The following SKP1 variants were observed in gnomAD, a reference collection of about 807,000 sequenced individuals.
SKP1 encodes S-phase kinase associated protein 1.
SKP1 carries 1 observed loss-of-function variant against 21.5 expected under a neutral mutation model. That is an observed-to-expected ratio of 0.05 (90% confidence interval 0.02 to 0.22). SKP1 has a LOEUF of 0.22. Among genes scored for constraint, SKP1 ranks in the 10% least tolerant of loss-of-function variants. The pLI is 1.00. For synonymous variants in SKP1, 59 were observed against 59.3 expected (o/e 0.99, Z 0.03); for missense variants, 70 against 192.0 (o/e 0.36, Z 3.76).
chr5:134,172,799 T>C (rs1651016733), intron 2 of SKP1, among the ~76,000 whole-genome samples: 1 of 151,238 alleles, frequency 6.6e-6, no homozygotes, highest in African/African-American at 2.4e-5. Context: ...GATCGCAAGG[T>C]CAGAAGATCG....
intron 3 of SKP1, among the ~76,000 whole-genome samples, chr5:134,165,811 G>A (rs894110853): frequency 2.0e-5 from 3 of 149,418 alleles, no homozygotes; most frequent in Admixed American, 1.3e-4. Flanking sequence ...GCTTGAACCT[G>A]GAAAGTGGAG....
At chr5:134,159,737 C>CG (rs1761185112) in intron 4 of SKP1, among the ~76,000 whole-genome samples, 1 of 152,026 alleles carries the variant, frequency 6.6e-6, no homozygotes, top group Non-Finnish European at 1.5e-5. Context: ...TCAGTAGAGA[C>CG]GGGGTTTCAC....
rs36106913 is a variant in SKP1 at position 134,166,580 on chromosome 5, C to CAAAAA, written c.171+585_171+589dup. On this transcript the variant is annotated intron_variant, in intron 3 of 5. Transcript: ENST00000353411. Reference sequence around the variant, plus strand: ...TGGCGACAGAGCAAGACTCTGGTCTCAAAAAAAAAAAAAAAAAAAAAAAAA... The same window carrying CAAAAA: ...TGGCGACAGAGCAAGACTCTGGTCTCAAAAAAAAAAAAAAAAAAAAAAAAAAAAAA... Among the ~76,000 whole-genome samples the CAAAAA allele has an allele frequency of 6.9e-4, 36 of 52,518 alleles. 1 individual carries two copies. The highest frequency in any genetic ancestry group is 1.7e-3 in the East Asian group (2 of 1,184). The allele number at this position is 52,518 out of a possible 152,430, so 34.5% of individuals were successfully genotyped here.
chr5:134,167,663 A>G (rs778140388), intron 2 of SKP1, among the ~76,000 whole-genome samples: 4 of 152,060 alleles, frequency 2.6e-5, no homozygotes, highest in Non-Finnish European at 4.4e-5. Context: ...AGCTGGGACT[A>G]TAGGCACCCG....
chr5:134,168,733 G>A (rs1761382512), intron 2 of SKP1, among the ~76,000 whole-genome samples: 1 of 152,146 alleles, frequency 6.6e-6, no homozygotes, highest in African/African-American at 2.4e-5. Context: ...CAAGTAGAAT[G>A]TGAAAAGAGT....
At position 134,158,039 on chromosome 5, in the gene SKP1, A is replaced by G. The variant is rs922482956; in HGVS notation, c.457-271T>C. The G allele has an allele frequency of 1.3e-5, 19 of 1,471,852 alleles. No individual in the cohort carries two copies. The Admixed American group carries it at 3.7e-4, about 28-fold the overall frequency. The allele number at this position is 1,471,852 out of a possible 1,614,324, so 91.2% of individuals were successfully genotyped here. A position where few individuals can be genotyped will look rare whatever the true frequency, so the allele number is the denominator to read the frequency against. On this transcript the variant is annotated intron_variant, in intron 5 of 5. Transcript: ENST00000353411. ...CAAATTCAGTTAATTCATTCACATT[A>G]TTTCAGTCTGTAGTCATGTCAACAA...
At chr5:134,160,189 C>T (rs903001279) in intron 4 of SKP1, among the ~76,000 whole-genome samples, 1 of 151,744 alleles carries the variant, frequency 6.6e-6, no homozygotes, top group Admixed American at 6.6e-5. Flanking sequence ...AACCCCATCT[C>T]TACTAAAAAT....
intron 4 of SKP1, 26 bp from the exon 5 acceptor site, chr5:134,158,621 A>C (rs981090851): frequency 6.2e-7 from 1 of 1,603,220 alleles, no homozygotes; most frequent in East Asian, 2.2e-5. Flanking sequence ...TGTTTTCCTT[A>C]AAGTATACTT....
At position 134,158,036 on chromosome 5, in the gene SKP1, A is replaced by G. The variant is rs556154532; in HGVS notation, c.457-268T>C. On this transcript the variant is annotated intron_variant, in intron 5 of 5. Transcript: ENST00000353411. ...GAGCAAATTCAGTTAATTCATTCAC[A>G]TTATTTCAGTCTGTAGTCATGTCAA... 5 of 1,474,758 alleles carry G rather than the reference A, an allele frequency of 3.4e-6. No homozygotes were observed. In the Admixed American group the frequency reaches 8.1e-5, roughly 24 times the overall value. 91.4% of individuals were successfully genotyped at this position (1,474,758 alleles called of 1,614,324 possible).
intron 2 of SKP1, among the ~76,000 whole-genome samples, 156 bp from the exon 3 acceptor site, chr5:134,167,399 A>G (rs1035636594): frequency 1.3e-5 from 2 of 152,210 alleles, no homozygotes; most frequent in Non-Finnish European, 2.9e-5. Flanking sequence ...GGGAAAAAAA[A>G]TGGATGGCTG....
In SKP1 at chr5:134,155,841, C is replaced by A. The variant is rs1761111764; in HGVS notation, c.*1892G>T. 6.6e-6 allele frequency: 1 copy of A among 152,256 alleles called. No homozygotes were observed. Among genetic ancestry groups the A allele is most frequent in the African/African-American group, 2.4e-5 (1 of 41,452 alleles). 9.4% of individuals were successfully genotyped at this position (152,256 alleles called of 1,614,324 possible). A position where few individuals can be genotyped will look rare whatever the true frequency, so the allele number is the denominator to read the frequency against. ...ACAAGGTCTCGCTCTATTGCCTAGA[C>A]TGGAGTGCAGTGGTGCAATGCCAGC... is the stretch of plus-strand genomic sequence containing the variant. On this transcript the variant is annotated 3_prime_UTR_variant, in exon 6 of 6. Transcript: ENST00000353411.
chr5:134,175,903 A>G (rs1165838736), intron 1 of SKP1, among the ~76,000 whole-genome samples: 1 of 150,482 alleles, frequency 6.6e-6, no homozygotes, highest in East Asian at 1.9e-4. Flanking sequence ...CTCCATGGCC[A>G]GCATAAAGCG....
chr5:134,158,658 A>T lies in SKP1; in HGVS notation c.316-63T>A, dbSNP rs548928839. ...ATGTTTTAAACTAAATCCAAAGTTA[A>T]TGATTGACACTCCGTATCTAATAAA... is the stretch of plus-strand genomic sequence containing the variant. On this transcript the variant is annotated intron_variant, in intron 4 of 5. Transcript: ENST00000353411. 159 of 1,357,624 alleles carry T rather than the reference A, an allele frequency of 1.2e-4. 2 individuals carry two copies. The highest frequency in any genetic ancestry group is 3.0e-5 in the Non-Finnish European group (29 of 954,546). 84.1% of individuals were successfully genotyped at this position (1,357,624 alleles called of 1,614,324 possible).
chr5:134,162,112 G>T (rs1004637764), intron 3 of SKP1, among the ~76,000 whole-genome samples: 3 of 151,876 alleles, frequency 2.0e-5, no homozygotes, highest in Non-Finnish European at 4.4e-5. Flanking sequence ...GCAAAGGGTT[G>T]TTTGTTTGTT....
chr5:134,159,546 A>G (rs1239061771), intron 4 of SKP1, among the ~76,000 whole-genome samples: 1 of 148,322 alleles, frequency 6.7e-6, no homozygotes, highest in Non-Finnish European at 1.5e-5. Flanking sequence ...TCACCCAGCT[A>G]ATTTTTTTTT....
chr5:134,164,049 G>A (rs913715201), intron 3 of SKP1, among the ~76,000 whole-genome samples: 2 of 151,996 alleles, frequency 1.3e-5, no homozygotes, highest in Non-Finnish European at 2.9e-5. Flanking sequence ...GGCCAGGGAT[G>A]GTGACTCAAG....
At chr5:134,165,369 C>T (rs757679432) in intron 3 of SKP1, among the ~76,000 whole-genome samples, 1 of 152,080 alleles carries the variant, frequency 6.6e-6, no homozygotes, top group Admixed American at 6.5e-5. Context: ...GCAGGCAGAT[C>T]GCCTGAGGTG....
In SKP1 at chr5:134,149,118, C is replaced by T. The variant is rs3178615; in HGVS notation, c.*8615G>A. On this transcript the variant is annotated 3_prime_UTR_variant, in exon 6 of 6. Transcript: ENST00000353411. ...AGTGCAGCTGTGTTACATGAACATA[C>T]TGGGTAGCGGTGAGGTCCGGGCTTT... 0.15 allele frequency: 22,905 copies of T among 151,916 alleles called. 2,701 individuals are homozygous for T. The highest frequency in any genetic ancestry group is 0.32 in the African/African-American group (13,403 of 41,368). 9.4% of individuals were successfully genotyped at this position (151,916 alleles called of 1,614,324 possible).
intron 3 of SKP1, among the ~76,000 whole-genome samples, chr5:134,162,357 G>A (rs933377160): frequency 6.6e-6 from 1 of 152,164 alleles, no homozygotes; most frequent in Admixed American, 6.6e-5. Context: ...CTCCCAAAGT[G>A]TTGGGATTAC....
Sources: gnomAD v4.1 joint callset for allele counts (sites outside exome capture counted in the v4.1 genomes callset) on GRCh38, gnomAD v4.1.1 for gene constraint, MANE v1.5 for transcripts, NCBI Gene and HGNC (gene_info 2026-07-23, HGNC 2026-07-21) for gene names.